RHOU: variants seen among roughly 807,000 people sequenced by gnomAD.
RHOU encodes rho-related GTP-binding protein RhoU.
A neutral mutation model predicts 12.6 loss-of-function variants in RHOU; 8 were observed. The observed-to-expected ratio is 0.64, with a 90% CI of 0.37 to 1.15. The LOEUF is 1.15. RHOU is among the 50% of genes most tolerant of loss of function. The pLI is 0.01. For missense variants in RHOU, 258 were observed against 347.0 expected, an observed-to-expected ratio of 0.74 and a Z score of 2.04; for synonymous variants, 161 against 147.4, an observed-to-expected ratio of 1.09 and a Z score of -0.67.
At chr1:228,694,740 G>A in the RHOU span, among the ~76,000 whole-genome samples, 1 of 152,118 alleles carries the variant, frequency 6.6e-6, no homozygotes, top group Non-Finnish European at 1.5e-5. Flanking sequence ...CAGTTAGGTT[G>A]AGTCCATGTC....
upstream of RHOU, among the ~76,000 whole-genome samples, chr1:228,731,604 A>T (rs12092986): frequency 0.17 from 25,594 of 152,162 alleles, 2,823 homozygotes; most frequent in African/African-American, 0.31. Flanking sequence ...AAGTATAGAA[A>T]ATTAGGCAGA....
At chr1:228,713,986 A>C in the RHOU span, among the ~76,000 whole-genome samples, 1 of 152,156 alleles carries the variant, frequency 6.6e-6, no homozygotes, top group Non-Finnish European at 1.5e-5. Context: ...AGAGTGGAGG[A>C]AGACCAGTTT....
chr1:228,663,160 G>A, the RHOU span, among the ~76,000 whole-genome samples: 9 of 152,128 alleles, frequency 5.9e-5, no homozygotes, highest in Non-Finnish European at 1.3e-4. Context: ...TTATGACAGC[G>A]CAGTTGCACT....
At chr1:228,660,736 C>T in the RHOU span, among the ~76,000 whole-genome samples, 3 of 151,612 alleles carry the variant, frequency 2.0e-5, no homozygotes, top group Non-Finnish European at 2.9e-5. Flanking sequence ...GAGTTTGAGA[C>T]CAACCTAACC....
chr1:228,742,448 C>G (rs149515316), intron 2 of RHOU, among the ~76,000 whole-genome samples: 1 of 152,138 alleles, frequency 6.6e-6, no homozygotes, highest in African/African-American at 2.4e-5. Context: ...CTTCTCTATA[C>G]TTTAAGGGTA....
the RHOU span, among the ~76,000 whole-genome samples, chr1:228,649,935 T>C: frequency 6.6e-6 from 1 of 152,264 alleles, no homozygotes; most frequent in Non-Finnish European, 1.5e-5. Context: ...CTGCTTATGT[T>C]GTTTGACACA....
chr1:228,690,735 A>G, the RHOU span, among the ~76,000 whole-genome samples: 1 of 152,066 alleles, frequency 6.6e-6, no homozygotes, highest in African/African-American at 2.4e-5. Flanking sequence ...CTTCTGCCTC[A>G]GTCTCCCGAG....
chr1:228,653,175 G>A, the RHOU span, among the ~76,000 whole-genome samples: 2,331 of 152,252 alleles, frequency 0.015, 66 homozygotes, highest in African/African-American at 0.053. Flanking sequence ...TTTGAGACAA[G>A]GTCTCCCTCT....
the RHOU span, among the ~76,000 whole-genome samples, chr1:228,688,805 G>A: frequency 1.1e-4 from 17 of 152,176 alleles, no homozygotes; most frequent in Non-Finnish European, 1.5e-4. Context: ...GGTCACCAGC[G>A]CAGGTAGAAT....
chr1:228,658,468 G>A, the RHOU span, among the ~76,000 whole-genome samples: 4 of 152,152 alleles, frequency 2.6e-5, no homozygotes, highest in Non-Finnish European at 5.9e-5. Flanking sequence ...ATGCAGCAAC[G>A]TTGTGACATC....
chr1:228,736,643 T>A (rs555275873), intron 1 of RHOU, among the ~76,000 whole-genome samples: 2 of 152,352 alleles, frequency 1.3e-5, no homozygotes, highest in South Asian at 4.1e-4. Flanking sequence ...GCTCGGATTC[T>A]GATTGTTGGT....
chr1:228,733,932 G>A (rs1397550182), upstream of RHOU, among the ~76,000 whole-genome samples: 2 of 152,110 alleles, frequency 1.3e-5, no homozygotes, highest in African/African-American at 4.8e-5. Flanking sequence ...TGAGAGTAAG[G>A]GCCCTCTAAA....
At chr1:228,647,300 T>A in the RHOU span, among the ~76,000 whole-genome samples, 3 of 152,324 alleles carry the variant, frequency 2.0e-5, no homozygotes, top group Admixed American at 6.5e-5. Context: ...CTCACTGTGC[T>A]CTTGGTGCGG....
At chr1:228,703,606 G>T in the RHOU span, among the ~76,000 whole-genome samples, 7 of 152,136 alleles carry the variant, frequency 4.6e-5, no homozygotes, top group African/African-American at 1.7e-4. Context: ...TTAATAGGTG[G>T]TCTTCTTAAC....
chr1:228,726,248 T>C, the RHOU span, among the ~76,000 whole-genome samples: 1 of 152,204 alleles, frequency 6.6e-6, no homozygotes. Context: ...GGTGCTACTG[T>C]TGTTCTGTCC....
the RHOU span, chr1:228,650,196 A>T: frequency 4.4e-6 from 2 of 456,658 alleles, no homozygotes; most frequent in Non-Finnish European, 8.8e-6. Context: ...CTGCAGCCCC[A>T]TGGGTCGCCC....
At chr1:228,657,425 A>C in the RHOU span, among the ~76,000 whole-genome samples, 3 of 152,186 alleles carry the variant, frequency 2.0e-5, no homozygotes, top group Non-Finnish European at 2.9e-5. Context: ...ATAGGTTTAC[A>C]TAAGACAAAG....
upstream of RHOU, chr1:228,735,086 G>T (rs1175692118): frequency 6.6e-6 from 1 of 152,224 alleles, no homozygotes; most frequent in African/African-American, 2.4e-5. The surrounding 1 kb of genome is among the most constrained non-coding windows in gnomAD (Gnocchi z 8.1). Flanking sequence ...GGGGCTCCAC[G>T]GAGTGAATAG....
upstream of RHOU, among the ~76,000 whole-genome samples, chr1:228,731,007 T>C (rs1662485440): frequency 6.6e-6 from 1 of 152,224 alleles, no homozygotes; most frequent in South Asian, 2.1e-4. Context: ...ATTAGGACCT[T>C]TTTTTCTTTT....
Sources: allele counts gnomAD v4.1 joint callset (sites outside exome capture counted in the v4.1 genomes callset), GRCh38; gene constraint gnomAD v4.1.1; non-coding constraint Gnocchi (gnomAD v3.1); transcripts MANE v1.5; gene names NCBI Gene and HGNC (gene_info 2026-07-23, HGNC 2026-07-21).